Variants in SLC39A11 observed in about 807,000 individuals in gnomAD.
SLC39A11 encodes the protein zinc transporter ZIP11.
A neutral mutation model predicts 36.1 loss-of-function variants in SLC39A11; 33 were observed. That is an observed-to-expected ratio of 0.91 (90% CI 0.69 to 1.22). The LOEUF (loss-of-function observed/expected upper bound fraction) is 1.22. Among genes scored for constraint, SLC39A11 ranks in the 50% most tolerant of loss-of-function variants. The pLI is 0.00. For missense variants in SLC39A11, 432 were observed against 430.3 expected, an observed-to-expected ratio of 1.00 and a Z score of -0.03; for synonymous variants, 166 against 170.3, an observed-to-expected ratio of 0.97 and a Z score of 0.20.
At chr17:72,741,304 G>A (rs2074689571) in intron 6 of SLC39A11, among the ~76,000 whole-genome samples, 1 of 152,166 alleles carries the variant, frequency 6.6e-6, no homozygotes, top group Non-Finnish European at 1.5e-5. Flanking sequence ...CGATCCTCCT[G>A]CCTCAGCCTC....
chr17:73,051,901 G>A (rs892878876), intron 3 of SLC39A11, among the ~76,000 whole-genome samples: 5 of 149,984 alleles, frequency 3.3e-5, no homozygotes, highest in Admixed American at 6.7e-5. Context: ...AGGGAATGTC[G>A]AAACTCATCT....
intron 2 of SLC39A11, among the ~76,000 whole-genome samples, chr17:73,086,447 T>C (rs1285773336): frequency 6.6e-6 from 1 of 152,102 alleles, no homozygotes; most frequent in Non-Finnish European, 1.5e-5. Context: ...TTCTGGCACA[T>C]GTTATAACGT....
intron 7 of SLC39A11, among the ~76,000 whole-genome samples, chr17:72,677,131 G>A (rs1306274887): frequency 1.3e-5 from 2 of 152,212 alleles, no homozygotes; most frequent in Non-Finnish European, 2.9e-5. Flanking sequence ...GCTGAGGGTG[G>A]TGTCAGGTGG....
intron 3 of SLC39A11, among the ~76,000 whole-genome samples, chr17:73,034,360 T>C (rs1419167463): frequency 1.3e-5 from 2 of 152,208 alleles, no homozygotes; most frequent in Non-Finnish European, 2.9e-5. Context: ...GTAGCTGGGA[T>C]TGCAGGTACT....
chr17:72,705,603 C>T (rs575638814), intron 7 of SLC39A11, among the ~76,000 whole-genome samples: 17 of 152,290 alleles, frequency 1.1e-4, no homozygotes, highest in African/African-American at 4.1e-4. Flanking sequence ...CCCTAGCAGA[C>T]AGAGGGCTAC....
At chr17:72,893,022 C>T (rs1347295627) in intron 5 of SLC39A11, among the ~76,000 whole-genome samples, 5 of 152,140 alleles carry the variant, frequency 3.3e-5, no homozygotes, top group Admixed American at 1.3e-4. Context: ...ATTTCAAATA[C>T]TGTGCCAATC....
intron 3 of SLC39A11, among the ~76,000 whole-genome samples, chr17:73,066,089 G>A (rs185094865): frequency 2.5e-4 from 38 of 152,278 alleles, no homozygotes; most frequent in African/African-American, 7.5e-4. Flanking sequence ...TGTAAGCTCC[G>A]CCTACTGAGA....
intron 3 of SLC39A11, among the ~76,000 whole-genome samples, chr17:73,069,399 T>C (rs1031614242): frequency 2.0e-5 from 3 of 152,218 alleles, no homozygotes; most frequent in African/African-American, 7.2e-5. Flanking sequence ...GCCTTACACA[T>C]AGTAAGTGCT....
chr17:72,934,127 G>GA (rs900919612), intron 5 of SLC39A11, among the ~76,000 whole-genome samples: 19 of 140,856 alleles, frequency 1.3e-4, no homozygotes, highest in South Asian at 4.5e-4. Context: ...AAAACTTTTA[G>GA]AAAAAAAAAA....
At chr17:72,692,680 T>G (rs1331811039) in intron 7 of SLC39A11, among the ~76,000 whole-genome samples, 1 of 152,150 alleles carries the variant, frequency 6.6e-6, no homozygotes, top group African/African-American at 2.4e-5. Context: ...CAATTCAGGC[T>G]GAGATTTGAA....
intron 5 of SLC39A11, among the ~76,000 whole-genome samples, chr17:72,896,499 G>C (rs1458941224): frequency 1.3e-5 from 2 of 152,022 alleles, no homozygotes; most frequent in Non-Finnish European, 2.9e-5. Flanking sequence ...ACTGCACCCG[G>C]CCTACATTAA....
chr17:72,750,144 AAG>A (rs2075098378), intron 6 of SLC39A11, among the ~76,000 whole-genome samples: 1 of 152,194 alleles, frequency 6.6e-6, no homozygotes, highest in South Asian at 2.1e-4. Context: ...CTTGGGAGCC[AAG>A]AGAGTCACCC....
chr17:72,823,630 T>C (rs555095134), intron 6 of SLC39A11: 1 of 151,580 alleles, frequency 6.6e-6, no homozygotes, highest in African/African-American at 2.4e-5. Context: ...TCAGAGTCAC[T>C]GGCTGGAGAA....
At chr17:72,693,930 G>A (rs12935889) in intron 7 of SLC39A11, among the ~76,000 whole-genome samples, 15,825 of 152,122 alleles carry the variant, frequency 0.1, 977 homozygotes, top group African/African-American at 0.16. Context: ...CCAAAGTGCC[G>A]GGACCACAGG....
chr17:73,004,215 GAAAGAAAGAAAGAAAGA>G lies in SLC39A11; in HGVS notation c.306+27324_306+27340del, dbSNP rs1386275125. On this transcript the variant is annotated intron_variant, in intron 4 of 9. Transcript: ENST00000255559. ...AGAAAGAAAGAAAGAAAGAAAGAAA[GAAAGAAAGAAAGAAAGA>G]AAAGAAAGAAAGAGAAAAAGCAAGC... 1.0e-3 allele frequency among the ~76,000 whole-genome samples: 126 copies of G among 121,796 alleles called. 7 individuals are homozygous for G. The highest frequency in any genetic ancestry group is 3.7e-3 in the Middle Eastern group (1 of 272). 79.9% of individuals were successfully genotyped at this position (121,796 alleles called of 152,430 possible).
At chr17:72,942,290 A>T (rs1291670681) in intron 5 of SLC39A11, among the ~76,000 whole-genome samples, 2 of 152,270 alleles carry the variant, frequency 1.3e-5, no homozygotes, top group Non-Finnish European at 2.9e-5. Context: ...CAATTGGGCC[A>T]GGACAAGATT....
At chr17:72,749,536 A>C (rs548878884) in intron 6 of SLC39A11, among the ~76,000 whole-genome samples, 1 of 152,350 alleles carries the variant, frequency 6.6e-6, no homozygotes, top group African/African-American at 2.4e-5. Context: ...GGACGAAGGA[A>C]GCATGAGGCA....
At chr17:72,706,363 T>C (rs2072895021) in intron 7 of SLC39A11, among the ~76,000 whole-genome samples, 1 of 152,162 alleles carries the variant, frequency 6.6e-6, no homozygotes. Context: ...CTCATATACT[T>C]CTTTAGTTCT....
chr17:72,916,897 G>A (rs893962878), intron 5 of SLC39A11, among the ~76,000 whole-genome samples: 19 of 152,118 alleles, frequency 1.2e-4, no homozygotes, highest in African/African-American at 2.7e-4. Context: ...ATACCCACAC[G>A]TTCCACACAC....
Sources: gnomAD v4.1 joint callset for allele counts (sites outside exome capture counted in the v4.1 genomes callset) on GRCh38, gnomAD v4.1.1 for gene constraint, MANE v1.5 for transcripts, NCBI Gene and HGNC (gene_info 2026-07-23, HGNC 2026-07-21) for gene names.